Variants in LARP4B observed in about 807,000 individuals in gnomAD.
LARP4B encodes the protein la-related protein 4B.
A neutral mutation model predicts 89.8 loss-of-function variants in LARP4B; 12 were observed. The observed-to-expected ratio is 0.13, with a 90% CI of 0.09 to 0.22. The LOEUF (loss-of-function observed/expected upper bound fraction) is 0.22. Ranked by LOEUF, LARP4B falls within the 10% of genes least tolerant of loss-of-function variation. The pLI, the probability that LARP4B is intolerant of heterozygous loss-of-function variation, is 1.00. For synonymous variants in LARP4B, 367 were observed against 363.3 expected, an observed-to-expected ratio of 1.01 and a Z score of -0.12; for missense variants, 757 against 947.7, an observed-to-expected ratio of 0.80 and a Z score of 2.64.
upstream of LARP4B, among the ~76,000 whole-genome samples, chr10:933,873 C>T (rs35693858): frequency 0.16 from 24,304 of 151,620 alleles, 2,398 homozygotes; most frequent in Non-Finnish European, 0.23. Context: ...CCCTCTGTCA[C>T]CCCGGCTGGA....
At chr10:950,618 C>CA in the LARP4B span, among the ~76,000 whole-genome samples, 10 of 152,082 alleles carry the variant, frequency 6.6e-5, no homozygotes, top group Admixed American at 1.3e-4. Context: ...ATGAGTCTTC[C>CA]AATCGATGAA....
At position 814,518 on chromosome 10, in the gene LARP4B, TA is replaced by T; in HGVS notation, c.1929+223del. On this transcript the variant is annotated intron_variant, in intron 17 of 17. Transcript: ENST00000316157. This position sits in a 1 kb window ranked among gnomAD's most constrained non-coding sequence, Gnocchi z 4.4. ...AAACCTCTATTGACCAACACTGAAA[TA>T]AAAGGACTACATGGTGGTCTGAGAA... 1 of 907,702 alleles carries T rather than the reference TA, an allele frequency of 1.1e-6. No homozygotes were observed. Among genetic ancestry groups the T allele is most frequent in the South Asian group, 1.6e-5 (1 of 62,376 alleles). The allele number at this position is 907,702 out of a possible 1,614,324, so 56.2% of individuals were successfully genotyped here. A position where few individuals can be genotyped will look rare whatever the true frequency, so the allele number is the denominator to read the frequency against.
intron 7 of LARP4B, among the ~76,000 whole-genome samples, chr10:838,165 GT>G (rs1161958860): frequency 2.6e-5 from 4 of 152,132 alleles, no homozygotes; most frequent in Admixed American, 1.3e-4. Context: ...ATGGACCTAA[GT>G]GTAAAATGCA....
At chr10:938,252 C>CT in the LARP4B span, among the ~76,000 whole-genome samples, 5,958 of 123,400 alleles carry the variant, frequency 0.048, 153 homozygotes, top group African/African-American at 0.068. Context: ...GGTTCTTTTT[C>CT]TTTTTTTTTT....
At chr10:913,729 T>C (rs1450347872) in intron 1 of LARP4B, among the ~76,000 whole-genome samples, 62 of 152,102 alleles carry the variant, frequency 4.1e-4, no homozygotes, top group Admixed American at 3.9e-3. Flanking sequence ...GCCAATACAG[T>C]GAAACCCCCT....
In LARP4B at chr10:883,670, A is replaced by T. The variant is rs535397151; in HGVS notation, c.141+777T>A. Reference sequence around the variant, plus strand: ...ACAAGCTGGCCAGGCATGGTGGCTCACGCCTGTAATCCTAGCCCTTTGGGA... The same window carrying T: ...ACAAGCTGGCCAGGCATGGTGGCTCTCGCCTGTAATCCTAGCCCTTTGGGA... On this transcript the variant is annotated intron_variant, in intron 3 of 17. Coordinates refer to ENST00000316157, the MANE Select transcript of LARP4B (RefSeq NM_015155.3). Among the ~76,000 whole-genome samples, 5 of 151,712 alleles carry T rather than the reference A, an allele frequency of 3.3e-5. No individual in the cohort carries two copies. In the South Asian group the frequency reaches 1.0e-3, roughly 31 times the overall value.
At chr10:837,238 G>A (rs1833266748) in intron 7 of LARP4B, among the ~76,000 whole-genome samples, 1 of 152,218 alleles carries the variant, frequency 6.6e-6, no homozygotes, top group Admixed American at 6.5e-5. Flanking sequence ...GTGCATGACT[G>A]TAACTTAGTT....
chr10:903,038 T>G (rs1405953676), intron 1 of LARP4B, among the ~76,000 whole-genome samples: 1 of 152,248 alleles, frequency 6.6e-6, no homozygotes, highest in Admixed American at 6.5e-5. Flanking sequence ...CCTCCATTTT[T>G]CTGTCCATCA....
chr10:964,211 C>T, the LARP4B span, among the ~76,000 whole-genome samples: 9 of 152,172 alleles, frequency 5.9e-5, no homozygotes, highest in Admixed American at 3.3e-4. Context: ...TGATTACAGG[C>T]GCCCGCCACC....
At chr10:872,990 C>T (rs1017192823) in intron 3 of LARP4B, 6 of 980,408 alleles carry the variant, frequency 6.1e-6, no homozygotes, top group African/African-American at 3.5e-5. Context: ...ACTGCCAGTA[C>T]GGTGAACCTC....
chr10:878,593 GC>G (rs1268044743), intron 3 of LARP4B, among the ~76,000 whole-genome samples: 1 of 152,166 alleles, frequency 6.6e-6, no homozygotes, highest in Admixed American at 6.5e-5. Context: ...TGTTTATTTT[GC>G]AGAAATACAC....
chr10:930,384 A>C (rs1487764037), intron 1 of LARP4B, among the ~76,000 whole-genome samples: 1 of 152,200 alleles, frequency 6.6e-6, no homozygotes, highest in African/African-American at 2.4e-5. Context: ...CCAAAACTTC[A>C]AACTTCCAAT....
intron 8 of LARP4B, among the ~76,000 whole-genome samples, chr10:834,112 T>C (rs1191383103): frequency 1.3e-5 from 2 of 152,034 alleles, no homozygotes; most frequent in Admixed American, 6.6e-5. Flanking sequence ...AACAGGGCCA[T>C]TCCATAAAAA....
At chr10:909,016 C>G (rs572893996) in intron 1 of LARP4B, among the ~76,000 whole-genome samples, 1 of 151,930 alleles carries the variant, frequency 6.6e-6, no homozygotes. Context: ...AAGTTGCGGC[C>G]AGGCGCGGTG....
chr10:851,435 C>T (rs1026805561), intron 5 of LARP4B, among the ~76,000 whole-genome samples: 42 of 152,114 alleles, frequency 2.8e-4, no homozygotes, highest in African/African-American at 1.7e-4. Flanking sequence ...CTGCCCGCCT[C>T]GGCCTCTCAA....
At chr10:914,093 G>C (rs1836751260) in intron 1 of LARP4B, among the ~76,000 whole-genome samples, 1 of 151,952 alleles carries the variant, frequency 6.6e-6, no homozygotes, top group African/African-American at 2.4e-5. Context: ...AATATATTTA[G>C]GTTATAAACA....
intron 1 of LARP4B, among the ~76,000 whole-genome samples, chr10:912,715 AAAAAAAAAAAATTC>A (rs1017681660): frequency 2.0e-5 from 3 of 149,826 alleles, no homozygotes; most frequent in East Asian, 1.9e-4. Flanking sequence ...TGACAAAAAA[AAAAAAAAAAAATTC>A]AAAAAAAAAA....
At chr10:873,251 C>A (rs1258860664) in intron 3 of LARP4B, 1 of 985,228 alleles carries the variant, frequency 1.0e-6, no homozygotes, top group African/African-American at 1.7e-5. Context: ...CACCCAGAGA[C>A]CAAAAATAAC....
At chr10:843,677 C>T (rs757271503) in intron 6 of LARP4B, among the ~76,000 whole-genome samples, 18 of 151,496 alleles carry the variant, frequency 1.2e-4, no homozygotes, top group East Asian at 3.9e-4. Context: ...CTAGCCTGGG[C>T]GACAAGAGTG....
Sources: gnomAD v4.1 joint callset for allele counts (sites outside exome capture counted in the v4.1 genomes callset) on GRCh38, gnomAD v4.1.1 for gene constraint, Gnocchi (gnomAD v3.1) non-coding constraint, MANE v1.5 for transcripts, NCBI Gene and HGNC (gene_info 2026-07-23, HGNC 2026-07-21) for gene names.